The following TTC7B variants were observed in gnomAD, a reference collection of about 807,000 sequenced individuals.
The protein encoded by TTC7B is tetratricopeptide repeat domain 7B.
In TTC7B, 28 loss-of-function variants were observed where a neutral mutation model predicts 106.8. The ratio of observed to expected loss-of-function variants is 0.26; its 90% CI spans 0.19 to 0.36. TTC7B has a LOEUF of 0.36. Among genes scored for constraint, TTC7B ranks in the 10% least tolerant of loss-of-function variants. TTC7B has a pLI of 1.00. For synonymous variants in TTC7B, 405 were observed against 430.6 expected (o/e 0.94, Z 0.74); for missense variants, 862 against 1,076.4 (o/e 0.80, Z 2.79).
intron 19 of TTC7B, among the ~76,000 whole-genome samples, chr14:90,550,110 A>C (rs967313450): frequency 3.3e-5 from 5 of 152,184 alleles, no homozygotes; most frequent in Non-Finnish European, 7.3e-5. Flanking sequence ...CTAAACAAGC[A>C]CTGGCCTCGA....
intron 17 of TTC7B, chr14:90,605,816 A>T (rs774459233): frequency 3.4e-6 from 4 of 1,176,150 alleles, no homozygotes; most frequent in Non-Finnish European, 4.3e-6. Flanking sequence ...TAGAAACACA[A>T]AGAAAAAAAT....
At chr14:90,717,496 T>G (rs1216142317) in intron 5 of TTC7B, among the ~76,000 whole-genome samples, 3 of 152,218 alleles carry the variant, frequency 2.0e-5, no homozygotes, top group African/African-American at 7.2e-5. Context: ...AGGTGGGTAC[T>G]TTTAGAAAAA....
chr14:90,736,893 TAAAAAAAAA>T lies in TTC7B; in HGVS notation c.577-6706_577-6698del, dbSNP rs58051350. Among the ~76,000 whole-genome samples, 102 of 91,908 alleles carry T rather than the reference TAAAAAAAAA, an allele frequency of 1.1e-3. 1 individual carries two copies. Among genetic ancestry groups the T allele is most frequent in the African/African-American group, 4.5e-3 (100 of 21,996 alleles). The allele number at this position is 91,908 out of a possible 152,430, so 60.3% of individuals were successfully genotyped here. ...AGCAACAGAGCAAGACCATGTCTCT[TAAAAAAAAA>T]AAAAAAAAAAAAAGTATATATACGT... On this transcript the variant is annotated intron_variant, in intron 4 of 19. Transcript: ENST00000328459.
chr14:90,578,260 G>T lies in TTC7B; in HGVS notation c.2156C>A (p.Thr719Asn). ...IGKPAEATAC[T>N]QEAANLFPMS... ...TGGGAAGAGGTTGGCAGCTTCTTGG[G>T]TACAGGCTGTGGCTTCTGCAGGCTT... The change falls in exon 19 of 20, where the codon ACC (threonine) becomes AAC (asparagine). Residue 719 changes from threonine (T) to asparagine (N), a missense_variant. Transcript: ENST00000328459. This position sits in a 1 kb window ranked among gnomAD's most constrained non-coding sequence, Gnocchi z 4.7. 1 of 1,614,206 alleles carries T rather than the reference G, an allele frequency of 6.2e-7. No individual in the cohort carries two copies. Among genetic ancestry groups the T allele is most frequent in the East Asian group, 2.2e-5 (1 of 44,882 alleles).
At chr14:90,766,591 G>C in intron 3 of TTC7B, 1 of 840,716 alleles carries the variant, frequency 1.2e-6, no homozygotes, top group Non-Finnish European at 2.1e-6. Context: ...CACCATCATC[G>C]ATGGGCAGTG....
At chr14:90,591,769 G>A (rs1891970726) in intron 18 of TTC7B, among the ~76,000 whole-genome samples, 1 of 152,202 alleles carries the variant, frequency 6.6e-6, no homozygotes, top group South Asian at 2.1e-4. Flanking sequence ...TCTGTTCTCT[G>A]TAGTTGTTGT....
intron 5 of TTC7B, chr14:90,699,248 G>C: frequency 2.2e-6 from 1 of 453,972 alleles, no homozygotes; most frequent in Non-Finnish European, 4.4e-6. Flanking sequence ...AGGAGGAAAT[G>C]TAAATGGGAA....
chr14:90,684,482 A>G (rs955024322), intron 7 of TTC7B, among the ~76,000 whole-genome samples: 1 of 152,108 alleles, frequency 6.6e-6, no homozygotes, highest in Non-Finnish European at 1.5e-5. Flanking sequence ...AACAACTCAA[A>G]CTCACAACAC....
chr14:90,783,572 T>C (rs73332759), intron 2 of TTC7B, among the ~76,000 whole-genome samples: 15,075 of 151,930 alleles, frequency 0.099, 1,895 homozygotes, highest in African/African-American at 0.29. Context: ...CTCAGAGAGG[T>C]TAAGTAACGT....
In TTC7B at chr14:90,573,872, T is replaced by C. The variant is rs112348804; in HGVS notation, c.2310+4234A>G. ...TGTTCCCTAGCAATACTTCCCATCC[T>C]GGCCTTATCAGCTCCCCTCCACGCA... is the stretch of plus-strand genomic sequence containing the variant. On this transcript the variant is annotated intron_variant, in intron 19 of 19. Coordinates refer to ENST00000328459, the MANE Select transcript of TTC7B (RefSeq NM_001010854.2). 8.2e-3 allele frequency among the ~76,000 whole-genome samples: 1,255 copies of C among 152,368 alleles called. 18 individuals carry two copies. The highest frequency in any genetic ancestry group is 0.029 in the African/African-American group (1,191 of 41,590).
chr14:90,579,945 C>T (rs1025547204), intron 18 of TTC7B, among the ~76,000 whole-genome samples: 2 of 152,282 alleles, frequency 1.3e-5, no homozygotes, highest in Non-Finnish European at 2.9e-5. Flanking sequence ...GCCTCCTGCC[C>T]TGGCCATGAG....
chr14:90,722,023 C>T (rs1019188251), intron 5 of TTC7B, among the ~76,000 whole-genome samples: 1 of 152,210 alleles, frequency 6.6e-6, no homozygotes, highest in Non-Finnish European at 1.5e-5. Context: ...TCAACTATTA[C>T]GAAGATCTCC....
chr14:90,789,341 G>A (rs573627612), intron 1 of TTC7B, among the ~76,000 whole-genome samples: 2 of 152,138 alleles, frequency 1.3e-5, no homozygotes, highest in South Asian at 2.1e-4. Context: ...CAGGTGATCC[G>A]CCTGACTTGG....
chr14:90,791,569 G>A (rs1482291098), intron 1 of TTC7B, among the ~76,000 whole-genome samples: 3 of 152,098 alleles, frequency 2.0e-5, no homozygotes, highest in African/African-American at 7.2e-5. Context: ...GCTCCCTGAT[G>A]GCGACATGCT....
intron 5 of TTC7B, among the ~76,000 whole-genome samples, chr14:90,704,017 A>C (rs1162114008): frequency 6.6e-6 from 1 of 152,222 alleles, no homozygotes; most frequent in Non-Finnish European, 1.5e-5. Context: ...AAGGGGAACA[A>C]GTACCAGATG....
chr14:90,790,738 C>T (rs1891559853), intron 1 of TTC7B, among the ~76,000 whole-genome samples: 1 of 152,032 alleles, frequency 6.6e-6, no homozygotes, highest in African/African-American at 2.4e-5. Flanking sequence ...CATGACTTAC[C>T]CTCTCAGAGC....
In TTC7B at chr14:90,807,720, G is replaced by A. The variant is rs2030690596; in HGVS notation, c.121+8455C>T. Among the ~76,000 whole-genome samples the A allele has an allele frequency of 6.6e-6, 1 of 152,210 alleles. No homozygotes were observed. The highest frequency in any genetic ancestry group is 2.4e-5 in the African/African-American group (1 of 41,446). On this transcript the variant is annotated intron_variant, in intron 1 of 19. Transcript: ENST00000328459. This position sits in a 1 kb window ranked among gnomAD's most constrained non-coding sequence, Gnocchi z 4.1. The stretch of plus-strand genomic sequence containing the variant: ...CTAACTGAGGCTGTTTACAAATGTA[G>A]ATTTCCAGCTTCTACCTTGGGCCGA...
At chr14:90,796,289 G>GGGTTAAGTGA (rs1891773327) in intron 1 of TTC7B, among the ~76,000 whole-genome samples, 2 of 152,318 alleles carry the variant, frequency 1.3e-5, no homozygotes, top group South Asian at 4.1e-4. Context: ...CATTATTTGG[G>GGGTTAAGTGA]GGTTAAGTGA....
intron 4 of TTC7B, 98 bp from the exon 5 acceptor site, chr14:90,730,294 A>G: frequency 1.4e-6 from 2 of 1,419,264 alleles, no homozygotes; most frequent in South Asian, 1.4e-5. Context: ...TAAAAAACCA[A>G]CTTCCTCAGG....
Sources: allele counts gnomAD v4.1 joint callset (sites outside exome capture counted in the v4.1 genomes callset), GRCh38; gene constraint gnomAD v4.1.1; non-coding constraint Gnocchi (gnomAD v3.1); transcripts MANE v1.5; gene names NCBI Gene and HGNC (gene_info 2026-07-23, HGNC 2026-07-21).